RLN2: variants seen among roughly 807,000 people sequenced by gnomAD.
RLN2 encodes prorelaxin H2.
Under a neutral mutation model 7.3 loss-of-function variants are expected in RLN2, and 10 were observed. The observed-to-expected ratio is 1.36, with a 90% confidence interval of 0.84 to 2.31. RLN2 has a LOEUF of 2.31. RLN2 is among the 30% of genes most tolerant of loss of function. The pLI, the probability that RLN2 is intolerant of heterozygous loss-of-function variation, is 0.00. For missense variants in RLN2, 298 were observed against 217.6 expected (o/e 1.37, Z -2.32); for synonymous variants, 103 against 82.3 (o/e 1.25, Z -1.36).
rs1485048834 is a variant in RLN2, at chr9:5,304,394, G to C, written c.187C>G (p.Pro63Ala). Residue 63 changes from proline (P) to alanine (A), a missense_variant, in exon 1 of 2, where the codon CCT becomes GCT. Coordinates refer to ENST00000381627, the MANE Select transcript of RLN2 (RefSeq NM_134441.3). ...CCTGCCACTGGTCTAGGTGTCTGAGGAGCATCTTCCTGGCTCAGAGACCTT... is the reference window on the plus strand; with the variant it reads ...CCTGCCACTGGTCTAGGTGTCTGAGCAGCATCTTCCTGGCTCAGAGACCTT... The part of the protein sequence containing the change: ...SKRSLSQEDA[P>A]QTPRPVAEIV... 2 of 1,605,748 alleles carry C rather than the reference G, an allele frequency of 1.2e-6. 1 individual carries two copies. Among genetic ancestry groups the C allele is most frequent in the Non-Finnish European group, 1.7e-6 (2 of 1,176,998 alleles).
At chr9:5,313,619 T>C in the RLN2 span, among the ~76,000 whole-genome samples, 1 of 152,054 alleles carries the variant, frequency 6.6e-6, no homozygotes, top group Non-Finnish European at 1.5e-5. Flanking sequence ...GATACATGCA[T>C]ACATTGTGAA....
At chr9:5,329,096 G>T in the RLN2 span, among the ~76,000 whole-genome samples, 1 of 151,636 alleles carries the variant, frequency 6.6e-6, no homozygotes, top group African/African-American at 2.4e-5. Context: ...GAGGTCAGGA[G>T]ATCGAGACCA....
At chr9:5,304,765 C>T (rs1816212433), upstream of RLN2, 3 of 624,630 alleles carry the variant, frequency 4.8e-6, no homozygotes, top group Non-Finnish European at 8.5e-6. Flanking sequence ...GCCAGCTCCA[C>T]CCCTTTCCCA....
At chr9:5,325,517 C>G in the RLN2 span, among the ~76,000 whole-genome samples, 1 of 151,976 alleles carries the variant, frequency 6.6e-6, no homozygotes, top group East Asian at 1.9e-4. Flanking sequence ...GATTGTTAAC[C>G]TCTAGCACAG....
chr9:5,300,063 G>A lies in RLN2; in HGVS notation c.*35C>T. The A allele has an allele frequency of 7.7e-7, 1 of 1,303,768 alleles. No homozygotes were observed. Among genetic ancestry groups the A allele is most frequent in the Non-Finnish European group, 1.1e-6 (1 of 928,996 alleles). 80.8% of individuals were successfully genotyped at this position (1,303,768 alleles called of 1,614,324 possible). ...GTGAAATGTCATTAAGAATATGTGT[G>A]AATATTATACGAGATGTGCACAATT... On this transcript the variant is annotated 3_prime_UTR_variant, in exon 2 of 2. Transcript: ENST00000381627.
chr9:5,313,399 C>G, the RLN2 span, among the ~76,000 whole-genome samples: 2 of 151,860 alleles, frequency 1.3e-5, no homozygotes, highest in East Asian at 3.9e-4. Flanking sequence ...TGATTTCTTT[C>G]GGTTTCCCTT....
intron 1 of RLN2, among the ~76,000 whole-genome samples, chr9:5,301,199 C>A (rs1816121585): frequency 6.6e-6 from 1 of 152,196 alleles, no homozygotes; most frequent in South Asian, 2.1e-4. Flanking sequence ...AGCTGCAGAT[C>A]ATGCACTATG....
At chr9:5,335,514 T>G in the RLN2 span, 1 of 1,613,236 alleles carries the variant, frequency 6.2e-7, no homozygotes, top group African/African-American at 1.3e-5. Flanking sequence ...AGGGCTGCCT[T>G]CAGCTCCGGT....
At chr9:5,317,842 A>T in the RLN2 span, among the ~76,000 whole-genome samples, 1 of 151,980 alleles carries the variant, frequency 6.6e-6, no homozygotes, top group Non-Finnish European at 1.5e-5. Context: ...ACACTAAGAT[A>T]CCATTTCTTA....
the RLN2 span, among the ~76,000 whole-genome samples, chr9:5,328,515 A>C: frequency 2.6e-5 from 4 of 152,162 alleles, no homozygotes; most frequent in African/African-American, 9.6e-5. Flanking sequence ...GAACTTCCCT[A>C]ATCTAGCAAG....
At chr9:5,302,413 T>C (rs1038314910) in intron 1 of RLN2, among the ~76,000 whole-genome samples, 4 of 152,180 alleles carry the variant, frequency 2.6e-5, no homozygotes, top group Admixed American at 1.3e-4. Flanking sequence ...GCTAACAATG[T>C]AATAATGTGG....
upstream of RLN2, among the ~76,000 whole-genome samples, chr9:5,305,852 T>C (rs564531218): frequency 1.6e-4 from 24 of 151,988 alleles, no homozygotes; most frequent in South Asian, 2.1e-4. Flanking sequence ...CCACTTAGCA[T>C]TGGTCAAATG....
At chr9:5,314,102 CCA>C in the RLN2 span, among the ~76,000 whole-genome samples, 1 of 152,028 alleles carries the variant, frequency 6.6e-6, no homozygotes, top group Non-Finnish European at 1.5e-5. Flanking sequence ...TCCCTGGAAT[CCA>C]CACAGCTACA....
At chr9:5,310,159 G>A in the RLN2 span, among the ~76,000 whole-genome samples, 3 of 151,938 alleles carry the variant, frequency 2.0e-5, no homozygotes, top group African/African-American at 7.3e-5. Context: ...GTTTTAGAGA[G>A]GGCTTGGGGT....
chr9:5,318,024 G>T, the RLN2 span, among the ~76,000 whole-genome samples: 1 of 151,746 alleles, frequency 6.6e-6, no homozygotes, highest in Non-Finnish European at 1.5e-5. Flanking sequence ...GTGTGTGTGT[G>T]TGTGTCTGTA....
chr9:5,327,976 G>A, the RLN2 span, among the ~76,000 whole-genome samples: 3 of 151,940 alleles, frequency 2.0e-5, no homozygotes, highest in African/African-American at 7.3e-5. Context: ...CAGAAAAGCT[G>A]AAAATTCCAA....
chr9:5,304,858 C>T, upstream of RLN2: 1 of 477,612 alleles, frequency 2.1e-6, no homozygotes. Flanking sequence ...TGTCCTTGGC[C>T]CTTTTACAGT....
chr9:5,312,711 A>G, the RLN2 span, among the ~76,000 whole-genome samples: 1 of 151,026 alleles, frequency 6.6e-6, no homozygotes, highest in South Asian at 2.1e-4. Flanking sequence ...AGCTGGATAC[A>G]GTTTGCTTGG....
the RLN2 span, among the ~76,000 whole-genome samples, chr9:5,332,941 C>T: frequency 5.3e-5 from 8 of 151,944 alleles, no homozygotes; most frequent in African/African-American, 1.9e-4. Flanking sequence ...TAATGTTGTA[C>T]ACTTTCAAGT....
Sources: allele counts gnomAD v4.1 joint callset (sites outside exome capture counted in the v4.1 genomes callset), GRCh38; gene constraint gnomAD v4.1.1; transcripts MANE v1.5; gene names NCBI Gene and HGNC (gene_info 2026-07-23, HGNC 2026-07-21).